The following FLG variants were observed in gnomAD, a reference collection of about 807,000 sequenced individuals.
The protein encoded by FLG is epidermal filaggrin.
A neutral mutation model predicts 3.8 loss-of-function variants in FLG; 6 were observed. The observed-to-expected ratio is 1.60, with a 90% CI of 0.87 to 3.15. The LOEUF (loss-of-function observed/expected upper bound fraction) is 3.15, where lower values mean the gene tolerates loss of function less well. Among genes scored for constraint, FLG ranks in the 30% most tolerant of loss-of-function variants. The pLI is 0.00. For missense variants in FLG, 7,595 were observed against 5,050.9 expected (o/e 1.50, Z -15.27); for synonymous variants, 2,551 against 1,931.6 (o/e 1.32, Z -8.41).
Position 152,312,489 on chromosome 1 carries a change from A to C in FLG, c.2397T>G (p.Thr799=). The C allele has an allele frequency of 6.2e-7, 1 of 1,612,972 alleles. No individual in the cohort carries two copies. Among genetic ancestry groups the C allele is most frequent in the Non-Finnish European group, 8.5e-7 (1 of 1,179,764 alleles). ...CATGGGAGGACTCAGACTGTTTATG[A>C]GTGCTCACCTGGTAGAGGAAAGACC... ...RSGSFLYQVS[T]HKQSESSHGW... The change falls in exon 3 of 3, where the codon ACT becomes ACG. Residue 799 remains threonine, a synonymous_variant. Transcript: ENST00000368799.
Position 152,304,413 on chromosome 1 carries a change from A to G in FLG, c.10473T>C (p.Asn3491=), listed in dbSNP as rs3126067. 0.21 allele frequency: 344,406 copies of G among 1,610,354 alleles called. 62,625 individuals are homozygous for G. The highest frequency in any genetic ancestry group is 0.71 in the African/African-American group (52,710 of 74,544). The part of the protein sequence containing the change: ...GSRSASRQTR[N]DEQSGDGSRH... The stretch of plus-strand genomic sequence containing the variant: ...TGGAGCCATCTCCTGATTGTTCGTC[A>G]TTACGAGTTTGTCTGCTGGCACTTC... The change falls in exon 3 of 3, where the codon AAT becomes AAC. Residue 3491 remains asparagine (N), a synonymous_variant. Transcript: ENST00000368799.
rs762597566 is a variant in FLG, at chr1:152,303,601, G to A, written c.11285C>T (p.Pro3762Leu). 1.2e-5 allele frequency: 20 copies of A among 1,613,712 alleles called. No homozygotes were observed. The highest frequency in any genetic ancestry group is 8.0e-5 in the African/African-American group (6 of 74,814). Residue 3762 changes from proline to leucine, a missense_variant, in exon 3 of 3, where the codon CCG (proline) becomes CTG (leucine). Transcript: ENST00000368799. ...CTGTCTTCCTCCTCTCCTTGACCCCGGGTGTCCACGAATGGTGTCCTGACC... is the reference window on the plus strand; with the variant it reads ...CTGTCTTCCTCCTCTCCTTGACCCCAGGTGTCCACGAATGGTGTCCTGACC... Reference protein sequence around the residue: ...QEGQDTIRGHPGSRRGGRQGS... With the variant: ...QEGQDTIRGHLGSRRGGRQGS...
At position 152,310,887 on chromosome 1, in the gene FLG, G is replaced by T. The variant is rs750762736; in HGVS notation, c.3999C>A (p.His1333Gln). The T allele has an allele frequency of 1.2e-6, 2 of 1,613,946 alleles. No homozygotes were observed. Among genetic ancestry groups the T allele is most frequent in the Middle Eastern group, 1.6e-4 (1 of 6,084 alleles). ...ADSSRQSGTH[H>Q]TESSSHGQAV... ...CCTGTCCATGAGAGGAAGACTCTGT[G>T]TGATGAGTGCCTGATTGTCTGGAGC... Residue 1333 changes from histidine to glutamine, a missense_variant, in exon 3 of 3, where the codon CAC (histidine) becomes CAA (glutamine). Physicochemically the swap from His to Gln is conservative, Grantham distance 24. Transcript: ENST00000368799.
In FLG at chr1:152,310,925, G is replaced by T. The variant is rs776012559; in HGVS notation, c.3961C>A (p.His1321Asn). 2.5e-6 allele frequency: 4 copies of T among 1,614,054 alleles called. No individual in the cohort carries two copies. The South Asian group carries it at 4.4e-5, about 18-fold the overall frequency. ...FHQEDRASHG[H>N]SADSSRQSGT... ...GATTGTCTGGAGCTGTCTGCAGAGT[G>T]CCCGTGACTGGCTCTGTCTTCTTGA... The change falls in exon 3 of 3, where the codon CAC becomes AAC. Residue 1321 changes from histidine to asparagine, a missense_variant. His to Asn is a moderately conservative substitution (Grantham distance 68). Coordinates refer to ENST00000368799, the MANE Select transcript of FLG (RefSeq NM_002016.2).
Position 152,314,380 on chromosome 1 carries a change from C to G in FLG, c.506G>C (p.Arg169Thr), listed in dbSNP as rs373451685. The G allele has an allele frequency of 1.2e-6, 2 of 1,612,812 alleles. No homozygotes were observed. The highest frequency in any genetic ancestry group is 1.3e-5 in the African/African-American group (1 of 74,866). ...ATGGTTTTTTCCATATTCTTCTTCT[C>G]TATGAGTAGGTGAATATCCTTTTCT... is the stretch of plus-strand genomic sequence containing the variant. ...KERKGYSPTH[R>T]EEEYGKNHHN... The change falls in exon 3 of 3, where the codon AGA becomes ACA. Residue 169 changes from arginine (R) to threonine (T), a missense_variant. Arg to Thr is a moderately conservative substitution (Grantham distance 71). Coordinates refer to ENST00000368799, the MANE Select transcript of FLG (RefSeq NM_002016.2).
At position 152,304,645 on chromosome 1, in the gene FLG, TG is replaced by T. The variant is rs1651820810; in HGVS notation, c.10240del (p.His3414ThrfsTer41). The T allele has an allele frequency of 6.3e-7, 1 of 1,596,722 alleles. No homozygotes were observed. ...GGAGCTGTCTCGTGCCTGCTCGTGG[TG>T]GGATCCTTGTCTTCGTCCAGTGCTG... Reference protein sequence around the residue: ...RTSTGRRQGSHHEQARDSSRH... With the variant: ...RTSTGRRQGSXHEQARDSSRH... On this transcript the variant is annotated frameshift_variant, in exon 3 of 3. Transcript: ENST00000368799. LOFTEE classifies it low-confidence loss of function (END_TRUNC).
chr1:152,318,791 A>AG (rs1652867840), intron 1 of FLG, among the ~76,000 whole-genome samples: 1 of 151,892 alleles, frequency 6.6e-6, no homozygotes, highest in South Asian at 2.1e-4. Flanking sequence ...AAGATAGATG[A>AG]GGTGCCTGCC....
rs1190925895 is a variant in FLG at position 152,303,353 on chromosome 1, A to C, written c.11533T>G (p.Ser3845Ala). The C allele has an allele frequency of 3.1e-6, 5 of 1,613,854 alleles. No homozygotes were observed. The highest frequency in any genetic ancestry group is 1.3e-5 in the African/African-American group (1 of 74,834). ...TQADSSRHSQ[S>A]GQGESAGSRR... ...GACCCCGCTGATTCACCCTGGCCGG[A>C]CTGTGAGTGTCTAGAGCTGTCAGCC... The change falls in exon 3 of 3, where the codon TCC becomes GCC. Residue 3845 changes from serine (S) to alanine (A), a missense_variant. Coordinates refer to ENST00000368799, the MANE Select transcript of FLG (RefSeq NM_002016.2).
Position 152,307,485 on chromosome 1 carries a change from C to T in FLG, c.7401G>A (p.Gly2467=). ...ATCCCTGCCTTCCTCCACTGCTTGA[C>T]CCCGGGTGTCCATGAATGGTGTCCT... The part of the protein sequence containing the change: ...EGQDTIHGHP[G]SSSGGRQGSH... Residue 2467 remains glycine (G), a synonymous_variant, in exon 3 of 3, where the codon GGG becomes GGA. Coordinates refer to ENST00000368799, the MANE Select transcript of FLG (RefSeq NM_002016.2). 6.2e-7 allele frequency: 1 copy of T among 1,613,422 alleles called. No homozygotes were observed. Among genetic ancestry groups the T allele is most frequent in the Non-Finnish European group, 8.5e-7 (1 of 1,179,814 alleles).
rs776201893 is a variant in FLG, at chr1:152,308,039, T to A, written c.6847A>T (p.Arg2283Trp). ...EQSRDGSRHP[R>W]SHHEDRAGHG... is the part of the protein sequence containing the mutation. The stretch of plus-strand genomic sequence containing the variant: ...CCGGCTCTGTCTTCGTGATGGGACC[T>A]GGGGTGTCTGGAGCCATCTCTTGAC... Residue 2283 changes from arginine (R) to tryptophan (W), a missense_variant, in exon 3 of 3, where the codon AGG (arginine) becomes TGG (tryptophan). Arg to Trp is a moderately radical substitution (Grantham distance 101). Coordinates refer to ENST00000368799, the MANE Select transcript of FLG (RefSeq NM_002016.2). The A allele has an allele frequency of 1.2e-6, 2 of 1,614,178 alleles. No homozygotes were observed. Among genetic ancestry groups the A allele is most frequent in the Non-Finnish European group, 8.5e-7 (1 of 1,180,026 alleles).
chr1:152,310,259 G>C lies in FLG; in HGVS notation c.4627C>G (p.Gln1543Glu), dbSNP rs760983085. 5.0e-6 allele frequency: 8 copies of C among 1,613,714 alleles called. No homozygotes were observed. The South Asian group carries it at 6.6e-5, about 13-fold the overall frequency. Residue 1543 changes from glutamine (Q) to glutamate (E), a missense_variant, in exon 3 of 3, where the codon CAA becomes GAA. Gln to Glu is a conservative substitution (Grantham distance 29). Coordinates refer to ENST00000368799, the MANE Select transcript of FLG (RefSeq NM_002016.2). ...CCTGATTGTTCCTCATTTCTTGTTTGCCTGCTTGCACTTCTGGGTCCTGAC... is the reference window on the plus strand; with the variant it reads ...CCTGATTGTTCCTCATTTCTTGTTTCCCTGCTTGCACTTCTGGGTCCTGAC... ...GQSGPRSASR[Q>E]TRNEEQSGDG...
In FLG at chr1:152,313,137, G is replaced by A. The variant is rs1348836462; in HGVS notation, c.1749C>T (p.His583=). 2.3e-5 allele frequency: 37 copies of A among 1,613,720 alleles called. No individual in the cohort carries two copies. The highest frequency in any genetic ancestry group is 2.8e-5 in the Non-Finnish European group (33 of 1,179,996). ...AAGCTTCATGATGACGTGACCCTGA[G>A]TGCCTGGTGCCGTCTCCTGATTGTT... ...NEEQSGDGTR[H]SGSRHHEASS... The change falls in exon 3 of 3, where the codon CAC becomes CAT. Residue 583 remains histidine (H), a synonymous_variant. Transcript: ENST00000368799.
At position 152,313,980 on chromosome 1, in the gene FLG, G is replaced by T. The variant is rs1237392645; in HGVS notation, c.906C>A (p.Asp302Glu). The T allele has an allele frequency of 1.9e-6, 3 of 1,614,180 alleles. No individual in the cohort carries two copies. The highest frequency in any genetic ancestry group is 4.5e-5 in the East Asian group (2 of 44,884). The change falls in exon 3 of 3, where the codon GAC (aspartate) becomes GAA (glutamate). Residue 302 changes from aspartate to glutamate, a missense_variant. Asp to Glu is a conservative substitution (Grantham distance 45). Coordinates refer to ENST00000368799, the MANE Select transcript of FLG (RefSeq NM_002016.2). Reference protein sequence around the residue: ...RRGSRVSQDRDSEGHSEDSER... With the variant: ...RRGSRVSQDRESEGHSEDSER... Reference sequence around the variant, plus strand: ...CAGAGTCTTCTGAGTGTCCCTCACTGTCCCTGTCCTGGCTAACTCTGGATC... The same window carrying T: ...CAGAGTCTTCTGAGTGTCCCTCACTTTCCCTGTCCTGGCTAACTCTGGATC...
intron 1 of FLG, among the ~76,000 whole-genome samples, chr1:152,321,708 T>A (rs1652982680): frequency 6.6e-6 from 1 of 151,226 alleles, no homozygotes; most frequent in African/African-American, 2.4e-5. Flanking sequence ...GCAGGTCAGA[T>A]GGCTTTACTG....
At chr1:152,316,682 C>T (rs1279693456) in intron 1 of FLG, among the ~76,000 whole-genome samples, 4 of 152,150 alleles carry the variant, frequency 2.6e-5, no homozygotes, top group Non-Finnish European at 4.4e-5. Flanking sequence ...CTGAACTTAT[C>T]GTTACTTGCA....
In FLG at chr1:152,324,892, A is replaced by G. The variant is rs12407540; in HGVS notation, c.-22+297T>C. Among the ~76,000 whole-genome samples, 393 of 151,994 alleles carry G rather than the reference A, an allele frequency of 2.6e-3. 6 individuals are homozygous for G. The highest frequency in any genetic ancestry group is 0.025 in the Admixed American group (378 of 15,242). The stretch of plus-strand genomic sequence containing the variant: ...TAAAGGTAAGCTGCTAGGAGTTTAT[A>G]TAGTTCACTGCTGCATAGATAGAGC... On this transcript the variant is annotated intron_variant, in intron 1 of 2. Coordinates refer to ENST00000368799, the MANE Select transcript of FLG (RefSeq NM_002016.2).
Position 152,313,489 on chromosome 1 carries a change from C to G in FLG, c.1397G>C (p.Gly466Ala). Residue 466 changes from glycine (G) to alanine (A), a missense_variant, in exon 3 of 3, where the codon GGG (glycine) becomes GCG (alanine). Gly to Ala is a moderately conservative substitution (Grantham distance 60). Transcript: ENST00000368799. ...AGTGCTCACCTGGTAGAGGGAAGACCCTGAACGTCCAGACCGTTCCCCTGA... is the reference window on the plus strand; with the variant it reads ...AGTGCTCACCTGGTAGAGGGAAGACGCTGAACGTCCAGACCGTTCCCCTGA... ...GRSGERSGRS[G>A]SSLYQVSTHE... 2.5e-6 allele frequency: 4 copies of G among 1,613,696 alleles called. No homozygotes were observed. The highest frequency in any genetic ancestry group is 3.4e-6 in the Non-Finnish European group (4 of 1,179,978).
At position 152,302,437 on chromosome 1, in the gene FLG, A is replaced by G. The variant is rs1241268361; in HGVS notation, c.*263T>C. 2.1e-6 allele frequency: 1 copy of G among 471,494 alleles called. No homozygotes were observed. Among genetic ancestry groups the G allele is most frequent in the Non-Finnish European group, 3.7e-6 (1 of 267,004 alleles). The allele number at this position is 471,494 out of a possible 1,614,324, so 29.2% of individuals were successfully genotyped here. On this transcript the variant is annotated 3_prime_UTR_variant, in exon 3 of 3. Transcript: ENST00000368799. ...AACATAAAACATTACTTGACCCAGA[A>G]TCTCCTAAAATACTCCAGCTAGTTT...
chr1:152,321,458 A>C (rs566720822), intron 1 of FLG, among the ~76,000 whole-genome samples: 1 of 151,270 alleles, frequency 6.6e-6, no homozygotes, highest in Admixed American at 6.6e-5. Context: ...AGTAAGTACC[A>C]ATATCAGGAA....
Sources: gnomAD v4.1 joint callset for allele counts (sites outside exome capture counted in the v4.1 genomes callset) on GRCh38, gnomAD v4.1.1 for gene constraint, MANE v1.5 for transcripts, NCBI Gene and HGNC (gene_info 2026-07-23, HGNC 2026-07-21) for gene names.